HEATR4: variants seen among roughly 807,000 people sequenced by gnomAD.
HEATR4 encodes HEAT repeat-containing protein 4.
HEATR4 carries 95 observed loss-of-function variants against 108.8 expected under a neutral mutation model. The observed-to-expected ratio is 0.87, with a 90% CI of 0.74 to 1.04. The LOEUF is 1.04. HEATR4 is among the 50% of genes least tolerant of loss of function. HEATR4 has a pLI of 0.00. For synonymous variants in HEATR4, 443 were observed against 459.4 expected, an observed-to-expected ratio of 0.96 and a Z score of 0.46; for missense variants, 1,152 against 1,253.8, an observed-to-expected ratio of 0.92 and a Z score of 1.23.
intron 2 of HEATR4, among the ~76,000 whole-genome samples, chr14:73,529,354 CAAAAAAAA>C (rs10605851): frequency 2.4e-4 from 21 of 87,454 alleles, no homozygotes; most frequent in African/African-American, 8.6e-4. Flanking sequence ...GACTCTGTCT[CAAAAAAAA>C]AAAAAAAAAA....
At chr14:73,560,106 T>C (rs1488464623), upstream of HEATR4, among the ~76,000 whole-genome samples, 11 of 152,128 alleles carry the variant, frequency 7.2e-5, no homozygotes, top group South Asian at 2.1e-4. Context: ...CTTTAAGTCA[T>C]AGAAGTCTTA....
the HEATR4 span, chr14:73,591,783 G>A: frequency 3.7e-6 from 2 of 545,936 alleles, no homozygotes; most frequent in Non-Finnish European, 5.7e-6. Context: ...TGCCTCAGAC[G>A]AGTCCGGAGC....
chr14:73,479,880 T>A (rs1369606990), intron 17 of HEATR4, among the ~76,000 whole-genome samples: 3 of 152,130 alleles, frequency 2.0e-5, no homozygotes, highest in African/African-American at 7.2e-5. Context: ...CAGAGATTAT[T>A]CTTTAATTAA....
chr14:73,565,642 C>A, the HEATR4 span, among the ~76,000 whole-genome samples: 1 of 151,744 alleles, frequency 6.6e-6, no homozygotes, highest in Admixed American at 6.6e-5. Context: ...TGGCTTAGGA[C>A]TGAAGCTGCG....
rs571957242 is a variant in HEATR4, at chr14:73,540,980, G to A, written c.-151-10736C>T. Among the ~76,000 whole-genome samples, 8 of 115,994 alleles carry A rather than the reference G, an allele frequency of 6.9e-5. 1 individual carries two copies. The highest frequency in any genetic ancestry group is 1.1e-4 in the Non-Finnish European group (6 of 53,248). The allele number at this position is 115,994 out of a possible 152,430, so 76.1% of individuals were successfully genotyped here. ...TGGTCTCGAACTCCTGACCTCAGGT[G>A]ATCCACCCGTCTCAGCCTCCCAAAG... On this transcript the variant is annotated intron_variant, in intron 1 of 17. Coordinates refer to ENST00000553558, the MANE Select transcript of HEATR4 (RefSeq NM_001220484.1).
intron 17 of HEATR4, among the ~76,000 whole-genome samples, chr14:73,484,831 CAG>C (rs1188152347): frequency 2.6e-3 from 380 of 146,460 alleles, no homozygotes; most frequent in Middle Eastern, 7.1e-3. Context: ...CACACACACA[CAG>C]ACACACACAC....
the HEATR4 span, among the ~76,000 whole-genome samples, chr14:73,609,228 G>A: frequency 1.3e-5 from 2 of 152,122 alleles, no homozygotes; most frequent in East Asian, 1.9e-4. Context: ...GCCATGACTG[G>A]GTTGCTGAAT....
At chr14:73,629,858 A>G in the HEATR4 span, among the ~76,000 whole-genome samples, 20 of 151,786 alleles carry the variant, frequency 1.3e-4, no homozygotes, top group Admixed American at 7.2e-4. Flanking sequence ...CGTGTTAGCC[A>G]GGATGGTTTG....
chr14:73,625,577 T>C, the HEATR4 span, among the ~76,000 whole-genome samples: 1 of 151,682 alleles, frequency 6.6e-6, no homozygotes, highest in Non-Finnish European at 1.5e-5. Context: ...ACCAGGCTGG[T>C]CTCGAACTCC....
intron 2 of HEATR4, among the ~76,000 whole-genome samples, chr14:73,523,722 G>A (rs934821931): frequency 2.0e-5 from 3 of 151,984 alleles, no homozygotes; most frequent in African/African-American, 7.3e-5. Context: ...ATGGCCTTTC[G>A]TACTTGACAC....
intron 1 of HEATR4, among the ~76,000 whole-genome samples, chr14:73,534,198 G>A (rs1257027479): frequency 8.9e-6 from 1 of 112,448 alleles, no homozygotes; most frequent in African/African-American, 2.9e-5. Flanking sequence ...GGCCAACATG[G>A]TGAAACCTCG....
chr14:73,514,267 C>T (rs930711019), intron 5 of HEATR4, 33 bp from the exon 6 acceptor site: 1 of 1,597,254 alleles, frequency 6.3e-7, no homozygotes, highest in Admixed American at 1.7e-5. Context: ...GTCTTTTCAC[C>T]CCACTGCCTT....
chr14:73,496,678 C>G lies in HEATR4; in HGVS notation c.2548G>C (p.Glu850Gln), dbSNP rs761410194. 6.4e-7 allele frequency: 1 copy of G among 1,553,516 alleles called. No individual in the cohort carries two copies. Among genetic ancestry groups the G allele is most frequent in the Non-Finnish European group, 8.9e-7 (1 of 1,125,428 alleles). Reference sequence around the variant, plus strand: ...AGTATCTTCATTGTCTGGTACATTTCTCTGAAAGATAAGAAGGGCTTCTTA... The same window carrying G: ...AGTATCTTCATTGTCTGGTACATTTGTCTGAAAGATAAGAAGGGCTTCTTA... ...LLENHDAVLK[E>Q]MYQTMKILNL... The change falls in exon 15 of 18, where the codon GAA becomes CAA. Residue 850 changes from glutamate (E) to glutamine (Q), a missense_variant and splice_region_variant. Transcript: ENST00000553558.
chr14:73,617,331 G>A, the HEATR4 span: 1 of 1,214,192 alleles, frequency 8.2e-7, no homozygotes, highest in East Asian at 2.4e-5. Flanking sequence ...TACTAGGGTG[G>A]AAGCTGGGCA....
chr14:73,573,689 C>T, the HEATR4 span: 8 of 1,360,010 alleles, frequency 5.9e-6, no homozygotes, highest in Non-Finnish European at 8.4e-6. Flanking sequence ...ACAGCCATTC[C>T]CTACCCCAAC....
chr14:73,630,636 A>T, the HEATR4 span, among the ~76,000 whole-genome samples: 1 of 152,198 alleles, frequency 6.6e-6, no homozygotes, highest in Non-Finnish European at 1.5e-5. Flanking sequence ...TTAGAATGGG[A>T]ATCACGACTT....
intron 1 of HEATR4, among the ~76,000 whole-genome samples, chr14:73,547,285 G>A (rs1285071341): frequency 8.6e-6 from 1 of 115,670 alleles, no homozygotes; most frequent in African/African-American, 2.8e-5. Context: ...GGAGGCTGTG[G>A]CAGGAGAATC....
At chr14:73,496,550 CTCT>C (rs1463618568) in intron 15 of HEATR4, 48 bp downstream of exon 15, 1 of 1,135,570 alleles carries the variant, frequency 8.8e-7, no homozygotes, top group Non-Finnish European at 1.3e-6. Flanking sequence ...GTCTGAGGAA[CTCT>C]TGAGAGTCCT....
At chr14:73,609,938 C>G in the HEATR4 span, among the ~76,000 whole-genome samples, 103 of 152,128 alleles carry the variant, frequency 6.8e-4, no homozygotes, top group African/African-American at 2.4e-3. Flanking sequence ...CGCGCCTGGC[C>G]AGGTTGTTTT....
Sources: allele counts gnomAD v4.1 joint callset (sites outside exome capture counted in the v4.1 genomes callset), GRCh38; gene constraint gnomAD v4.1.1; transcripts MANE v1.5; gene names NCBI Gene and HGNC (gene_info 2026-07-23, HGNC 2026-07-21).